Variants in KIF23 observed in about 807,000 individuals in gnomAD.
KIF23 encodes the protein kinesin-like protein KIF23.
In KIF23, 30 loss-of-function variants were observed where a neutral mutation model predicts 137.5. The observed-to-expected ratio is 0.22, with a 90% CI of 0.16 to 0.30. The LOEUF is 0.30. Ranked by LOEUF, KIF23 falls within the 10% of genes least tolerant of loss-of-function variation. The pLI is 1.00. For missense variants in KIF23, 920 were observed against 1,194.3 expected (o/e 0.77, Z 3.38); for synonymous variants, 367 against 391.1 (o/e 0.94, Z 0.73).
At chr15:69,421,882 A>C (rs2057066360) in intron 4 of KIF23, 110 bp from the exon 5 acceptor site, 3 of 1,394,188 alleles carry the variant, frequency 2.2e-6, no homozygotes, top group African/African-American at 2.9e-5. Context: ...GGTGGTGCTA[A>C]ACTTGCCTTT....
At chr15:69,445,975 A>G (rs1229913277) in intron 20 of KIF23, 34 bp from the exon 21 acceptor site, 3 of 1,448,708 alleles carry the variant, frequency 2.1e-6, no homozygotes, top group East Asian at 2.3e-5. Flanking sequence ...TGGGTGTATC[A>G]ATGTGTAACA....
Position 69,436,189 on chromosome 15 carries a change from G to A in KIF23, c.1366G>A (p.Val456Ile), listed in dbSNP as rs925101252. The change falls in exon 14 of 24, where the codon GTA (valine) becomes ATA (isoleucine). Residue 456 changes from valine to isoleucine, a missense_variant. Around this residue, in one of 4 missense-constraint regions of KIF23, gnomAD observed 714 missense variants for 866.2 expected, o/e 0.82. Transcript: ENST00000679126. ...TCAAGAAGTTGAAGTAGCAAGACCT[G>A]TAGACAAGGCAATATGTGGTTTAAC... is the stretch of plus-strand genomic sequence containing the variant. ...VTQEVEVARP[V>I]DKAICGLTPG... 6.2e-7 allele frequency: 1 copy of A among 1,614,024 alleles called. No homozygotes were observed.
chr15:69,434,585 C>G, intron 11 of KIF23: 1 of 1,196,548 alleles, frequency 8.4e-7, no homozygotes, highest in Admixed American at 1.7e-5. Flanking sequence ...GATAACATCT[C>G]CTTCTTCCAA....
chr15:69,425,371 A>C, intron 8 of KIF23, 48 bp downstream of exon 8: 1 of 1,475,844 alleles, frequency 6.8e-7, no homozygotes, highest in Non-Finnish European at 9.1e-7. Flanking sequence ...GTGCAGTTAT[A>C]CTATGGTTGG....
chr15:69,430,728 C>T (rs779010788), intron 11 of KIF23, among the ~76,000 whole-genome samples: 1 of 152,070 alleles, frequency 6.6e-6, no homozygotes, highest in Non-Finnish European at 1.5e-5. Context: ...TCATGAAGAC[C>T]CCTGTCTGTC....
At chr15:69,434,621 A>T in intron 11 of KIF23, 2 of 1,391,852 alleles carry the variant, frequency 1.4e-6, no homozygotes, top group East Asian at 4.6e-5. Context: ...AACATAGTTG[A>T]TGATGTAGGG....
At chr15:69,436,434 A>G in intron 14 of KIF23, 130 bp from the exon 15 acceptor site, 1 of 1,189,090 alleles carries the variant, frequency 8.4e-7, no homozygotes, top group South Asian at 1.6e-5. Flanking sequence ...ATTCTTAGGT[A>G]AGTAAACTTA....
At chr15:69,427,399 G>A (rs1208493179) in intron 10 of KIF23, 11 of 455,884 alleles carry the variant, frequency 2.4e-5, no homozygotes, top group Middle Eastern at 3.2e-4. Flanking sequence ...GAATCTTAGA[G>A]CCTGAATTTT....
At position 69,447,850 on chromosome 15, in the gene KIF23, A is replaced by C. The variant is rs1490032564; in HGVS notation, c.*43A>C. 8 of 1,594,412 alleles carry C rather than the reference A, an allele frequency of 5.0e-6. No homozygotes were observed. Among genetic ancestry groups the C allele is most frequent in the Non-Finnish European group, 6.9e-6 (8 of 1,165,218 alleles). ...TGAAAGAACATTTTCATTTGTGTGG[A>C]TGATTTCTCGAAAGCCATGCCAGAA... On this transcript the variant is annotated 3_prime_UTR_variant, in exon 24 of 24. Coordinates refer to ENST00000679126, the MANE Select transcript of KIF23 (RefSeq NM_001367805.3).
At chr15:69,428,754 A>G (rs963565842) in intron 10 of KIF23, among the ~76,000 whole-genome samples, 21 of 151,724 alleles carry the variant, frequency 1.4e-4, no homozygotes, top group African/African-American at 5.1e-4. Context: ...AGAATTTAGG[A>G]TAATCCTGTT....
intron 10 of KIF23, among the ~76,000 whole-genome samples, chr15:69,426,822 C>G (rs1434454848): frequency 6.6e-6 from 1 of 152,198 alleles, no homozygotes; most frequent in East Asian, 1.9e-4. Flanking sequence ...TCTATAGATT[C>G]AACCAACTGT....
At chr15:69,417,042 A>C (rs1314891589) in intron 2 of KIF23, among the ~76,000 whole-genome samples, 2 of 152,200 alleles carry the variant, frequency 1.3e-5, no homozygotes, top group African/African-American at 4.8e-5. Context: ...AAGAAATTCT[A>C]ACAGTTTTAA....
chr15:69,446,993 G>A (rs758520563), intron 23 of KIF23, 52 bp downstream of exon 23: 58 of 1,421,320 alleles, frequency 4.1e-5, no homozygotes, highest in Admixed American at 1.5e-4. Context: ...TCCTCCTCTG[G>A]TCTTTACATT....
intron 11 of KIF23, chr15:69,434,588 T>G (rs2057428276): frequency 3.3e-6 from 4 of 1,217,504 alleles, no homozygotes; most frequent in Non-Finnish European, 4.8e-6. Flanking sequence ...AACATCTCCT[T>G]CTTCCAAGGT....
chr15:69,435,952 T>G (rs565650797), intron 13 of KIF23, among the ~76,000 whole-genome samples, 181 bp downstream of exon 13: 6 of 152,104 alleles, frequency 3.9e-5, no homozygotes, highest in Non-Finnish European at 7.4e-5. Context: ...GAAGCTGAGG[T>G]GGGACGATCA....
chr15:69,420,171 G>A (rs564137524), intron 3 of KIF23, among the ~76,000 whole-genome samples: 1 of 152,142 alleles, frequency 6.6e-6, no homozygotes, highest in Non-Finnish European at 1.5e-5. Context: ...GGCTGAGGCA[G>A]GAGTATTGCT....
intron 20 of KIF23, 67 bp downstream of exon 20, chr15:69,445,108 G>C (rs971547825): frequency 7.0e-7 from 1 of 1,432,750 alleles, no homozygotes; most frequent in Admixed American, 2.1e-5. Context: ...CATTTGTCCT[G>C]CTACTCCTTT....
chr15:69,446,706 C>G (rs1246757176), intron 22 of KIF23, 165 bp from the exon 23 acceptor site: 2 of 701,736 alleles, frequency 2.9e-6, no homozygotes, highest in Non-Finnish European at 5.1e-6. Flanking sequence ...CATTTGTGGC[C>G]TGTGCCAGAA....
chr15:69,422,601 CT>C (rs751024395), intron 6 of KIF23, among the ~76,000 whole-genome samples, 166 bp downstream of exon 6: 9 of 152,148 alleles, frequency 5.9e-5, no homozygotes, highest in Non-Finnish European at 1.3e-4. Flanking sequence ...TTCTCTTTGG[CT>C]TTGAGCACAT....
Sources: allele counts gnomAD v4.1 joint callset (sites outside exome capture counted in the v4.1 genomes callset), GRCh38; gene constraint gnomAD v4.1.1; regional missense constraint gnomAD v4.1.1; transcripts MANE v1.5; gene names NCBI Gene and HGNC (gene_info 2026-07-23, HGNC 2026-07-21).